Variants in BAHCC1 observed in about 807,000 individuals in gnomAD.
The protein encoded by BAHCC1 is BAH and coiled-coil domain-containing protein 1.
In BAHCC1, 43 loss-of-function variants were observed where a neutral mutation model predicts 88.2. The ratio of observed to expected loss-of-function variants is 0.49; its 90% CI spans 0.38 to 0.63. The LOEUF (loss-of-function observed/expected upper bound fraction) is 0.63, where lower values mean the gene tolerates loss of function less well. Ranked by LOEUF, BAHCC1 falls within the 20% of genes least tolerant of loss-of-function variation. The pLI is 0.00. For missense variants in BAHCC1, 3,023 were observed against 1,654.8 expected (o/e 1.83, Z -14.34); for synonymous variants, 1,510 against 745.5 (o/e 2.03, Z -16.71).
intron 1 of BAHCC1, among the ~76,000 whole-genome samples, chr17:81,398,675 C>T (rs2063771093): frequency 6.6e-6 from 1 of 152,192 alleles, no homozygotes. Context: ...GATTGGGGGG[C>T]GGGGTGATTG....
chr17:81,415,168 C>A (rs891245781), intron 2 of BAHCC1, among the ~76,000 whole-genome samples: 2 of 152,244 alleles, frequency 1.3e-5, no homozygotes, highest in African/African-American at 2.4e-5. Flanking sequence ...GACCCCCACC[C>A]TCTGAGACCC....
At chr17:81,404,654 G>A (rs1555646580) in intron 2 of BAHCC1, among the ~76,000 whole-genome samples, 2 of 152,238 alleles carry the variant, frequency 1.3e-5, no homozygotes, top group African/African-American at 4.8e-5. Flanking sequence ...ACCTTTAAGA[G>A]TGTTTTAACA....
rs782522812 is a variant in BAHCC1, at chr17:81,458,793, C to T, written c.5449-20C>T. On this transcript the variant is annotated intron_variant, in intron 19 of 27. Transcript: ENST00000675386. ...CACCCCGCCTGCACCCCACCCAAGCCTGACTCCTCTGGCCCCCAGGGCAAG... is the reference window on the plus strand; with the variant it reads ...CACCCCGCCTGCACCCCACCCAAGCTTGACTCCTCTGGCCCCCAGGGCAAG... The T allele has an allele frequency of 4.5e-5, 34 of 762,224 alleles. No homozygotes were observed. The highest frequency in any genetic ancestry group is 7.9e-5 in the Non-Finnish European group (32 of 406,882). 47.2% of individuals were successfully genotyped at this position (762,224 alleles called of 1,614,324 possible).
rs782770459 is a variant in BAHCC1 at position 81,445,659 on chromosome 17, C to T, written c.3141C>T (p.Ala1047=). The change falls in exon 10 of 28, where the codon GCC becomes GCT. Residue 1047 remains alanine (A), a synonymous_variant. Coordinates refer to ENST00000675386, the MANE Select transcript of BAHCC1 (RefSeq NM_001377448.1). ...ATGGGGAGGGTCAGCAGTCCACGGC[C>T]GACATCATCACATCCGAACCAGGTG... ...EKNGEGQQST[A]DIITSEPDLP... 24 of 731,646 alleles carry T rather than the reference C, an allele frequency of 3.3e-5. No homozygotes were observed. The highest frequency in any genetic ancestry group is 1.9e-4 in the South Asian group (13 of 68,480). The allele number at this position is 731,646 out of a possible 1,614,324, so 45.3% of individuals were successfully genotyped here.
In BAHCC1 at chr17:81,460,350, C is replaced by A; in HGVS notation, c.5979C>A (p.Ile1993=). 1 of 775,534 alleles carries A rather than the reference C, an allele frequency of 1.3e-6. No homozygotes were observed. The highest frequency in any genetic ancestry group is 2.4e-6 in the Non-Finnish European group (1 of 415,926). The allele number at this position is 775,534 out of a possible 1,614,324, so 48.0% of individuals were successfully genotyped here. ...VEFDDGDTGH[I]AVSNVRLLPP... is the part of the protein sequence containing the mutation. ...TTGACGATGGGGATACAGGCCACAT[C>A]GCCGTCTCCAACGTCAGGCTGCTGC... is the stretch of plus-strand genomic sequence containing the variant. The change falls in exon 24 of 28, where the codon ATC becomes ATA. Residue 1993 remains isoleucine (I), a synonymous_variant. Coordinates refer to ENST00000675386, the MANE Select transcript of BAHCC1 (RefSeq NM_001377448.1).
intron 1 of BAHCC1, among the ~76,000 whole-genome samples, chr17:81,397,626 C>T (rs1370021899): frequency 1.3e-5 from 2 of 152,060 alleles, no homozygotes; most frequent in South Asian, 4.1e-4. Flanking sequence ...CCCCCACGTC[C>T]CTAGTCCAGC....
Position 81,426,842 on chromosome 17 carries a change from T to C in BAHCC1, c.221T>C (p.Met74Thr). 3 of 399,536 alleles carry C rather than the reference T, an allele frequency of 7.5e-6. No individual in the cohort carries two copies. The highest frequency in any genetic ancestry group is 1.3e-5 in the Non-Finnish European group (3 of 226,864). 24.7% of individuals were successfully genotyped at this position (399,536 alleles called of 1,614,324 possible). The change falls in exon 3 of 28, where the codon ATG becomes ACG. Residue 74 changes from methionine (M) to threonine (T), a missense_variant. Transcript: ENST00000675386. ...LMGSSPASSF[M>T]GSFLTSSLGS... is the part of the protein sequence containing the mutation. Reference sequence around the variant, plus strand: ...GGAAGTTCTCCGGCCTCCTCGTTCATGGGCAGTTTCCTCACCAGCAGCCTG... The same window carrying C: ...GGAAGTTCTCCGGCCTCCTCGTTCACGGGCAGTTTCCTCACCAGCAGCCTG...
rs181564718 is a variant in BAHCC1, at chr17:81,434,229, C to T, written c.359-4141C>T. Reference sequence around the variant, plus strand: ...CACAGCCTCCCACGTTCCCCAGGGCCTCCCAGGCTGGCTGCCCACGTGCAC... The same window carrying T: ...CACAGCCTCCCACGTTCCCCAGGGCTTCCCAGGCTGGCTGCCCACGTGCAC... On this transcript the variant is annotated intron_variant, in intron 3 of 27. Coordinates refer to ENST00000675386, the MANE Select transcript of BAHCC1 (RefSeq NM_001377448.1). The surrounding 1 kb of genome is among the most constrained non-coding windows in gnomAD (Gnocchi z 4.9). 6.6e-6 allele frequency among the ~76,000 whole-genome samples: 1 copy of T among 152,308 alleles called. No individual in the cohort carries two copies. Among genetic ancestry groups the T allele is most frequent in the Non-Finnish European group, 1.5e-5 (1 of 68,006 alleles).
rs2064328429 is a variant in BAHCC1, at chr17:81,435,865, A to G, written c.359-2505A>G. ...ATGCCTGTGTGTCCCCGGCCCAGCC[A>G]CAGCAGCCCTGCCTTCTGGCTTCTG... On this transcript the variant is annotated intron_variant, in intron 3 of 27. Coordinates refer to ENST00000675386, the MANE Select transcript of BAHCC1 (RefSeq NM_001377448.1). This position sits in a 1 kb window ranked among gnomAD's most constrained non-coding sequence, Gnocchi z 4.4. Among the ~76,000 whole-genome samples the G allele has an allele frequency of 6.6e-6, 1 of 151,642 alleles. No individual in the cohort carries two copies. Among genetic ancestry groups the G allele is most frequent in the Admixed American group, 6.6e-5 (1 of 15,256 alleles).
Position 81,460,544 on chromosome 17 carries a change from C to T in BAHCC1, c.6040C>T (p.Pro2014Ser), listed in dbSNP as rs2030157778. 1.3e-6 allele frequency: 1 copy of T among 757,544 alleles called. No homozygotes were observed. 46.9% of individuals were successfully genotyped at this position (757,544 alleles called of 1,614,324 possible). A position where few individuals can be genotyped will look rare whatever the true frequency, so the allele number is the denominator to read the frequency against. Residue 2014 changes from proline (P) to serine (S), a missense_variant, in exon 25 of 28, where the codon CCA (proline) becomes TCA (serine). By Grantham distance (74) the Pro-to-Ser change is moderately conservative. Transcript: ENST00000675386. ...DFKIQCTEPS[P>S]ALLVSSSCRR... ...GCTATCCACAGGCACAGAGCCCTCTCCAGCCCTGCTAGTGTCTAGCAGCTG... is the reference window on the plus strand; with the variant it reads ...GCTATCCACAGGCACAGAGCCCTCTTCAGCCCTGCTAGTGTCTAGCAGCTG...
At chr17:81,397,396 A>AG (rs1300815526) in intron 1 of BAHCC1, among the ~76,000 whole-genome samples, 5 of 80,076 alleles carry the variant, frequency 6.2e-5, no homozygotes, top group South Asian at 7.8e-4. Context: ...TATTGGAGAG[A>AG]AAAAAAAAAA....
chr17:81,429,200 C>T (rs906799217), intron 3 of BAHCC1, among the ~76,000 whole-genome samples: 2 of 152,184 alleles, frequency 1.3e-5, no homozygotes, highest in Admixed American at 1.3e-4. Flanking sequence ...GGGTGCAGGG[C>T]GTGGCCTCTG....
intron 2 of BAHCC1, among the ~76,000 whole-genome samples, chr17:81,421,376 G>A (rs1301287225): frequency 3.3e-5 from 5 of 152,328 alleles, no homozygotes; most frequent in Admixed American, 6.5e-5. Context: ...GTCTGCCCAC[G>A]GCTCTGCTGG....
chr17:81,459,701 C>T, intron 23 of BAHCC1, 97 bp downstream of exon 23: 2 of 684,226 alleles, frequency 2.9e-6, no homozygotes, highest in East Asian at 2.8e-5. Context: ...CTGGCGAGGG[C>T]AGAACCAGCT....
chr17:81,460,545 C>A lies in BAHCC1; in HGVS notation c.6041C>A (p.Pro2014Gln). 1.3e-6 allele frequency: 1 copy of A among 758,036 alleles called. No individual in the cohort carries two copies. Among genetic ancestry groups the A allele is most frequent in the Non-Finnish European group, 2.5e-6 (1 of 407,362 alleles). The allele number at this position is 758,036 out of a possible 1,614,324, so 47.0% of individuals were successfully genotyped here. The change falls in exon 25 of 28, where the codon CCA (proline) becomes CAA (glutamine). Residue 2014 changes from proline to glutamine, a missense_variant. Pro to Gln is a moderately conservative substitution (Grantham distance 76). Transcript: ENST00000675386. ...DFKIQCTEPS[P>Q]ALLVSSSCRR... Reference sequence around the variant, plus strand: ...CTATCCACAGGCACAGAGCCCTCTCCAGCCCTGCTAGTGTCTAGCAGCTGC... The same window carrying A: ...CTATCCACAGGCACAGAGCCCTCTCAAGCCCTGCTAGTGTCTAGCAGCTGC...
intron 2 of BAHCC1, among the ~76,000 whole-genome samples, chr17:81,415,904 C>T (rs1008057443): frequency 2.6e-5 from 4 of 152,262 alleles, no homozygotes; most frequent in South Asian, 2.1e-4. Context: ...GTGGGCAGAG[C>T]GCCCCACCCT....
intron 11 of BAHCC1, among the ~76,000 whole-genome samples, chr17:81,450,801 C>T (rs782761801): frequency 6.6e-6 from 1 of 152,186 alleles, no homozygotes; most frequent in Non-Finnish European, 1.5e-5. Flanking sequence ...CCCAGCTACC[C>T]AGGAAGCTGA....
At chr17:81,425,437 T>G (rs1555650265) in intron 2 of BAHCC1, among the ~76,000 whole-genome samples, 2 of 50,326 alleles carry the variant, frequency 4.0e-5, no homozygotes. Flanking sequence ...TGGTTGGTGG[T>G]GATGTGGTTG....
chr17:81,462,230 G>A (rs1376702179), intron 26 of BAHCC1, among the ~76,000 whole-genome samples, 184 bp downstream of exon 26: 2 of 152,270 alleles, frequency 1.3e-5, no homozygotes, highest in Non-Finnish European at 2.9e-5. Context: ...CGCTTCCGCT[G>A]GCCCCTCGCT....
Sources: allele counts gnomAD v4.1 joint callset (sites outside exome capture counted in the v4.1 genomes callset), GRCh38; gene constraint gnomAD v4.1.1; non-coding constraint Gnocchi (gnomAD v3.1); transcripts MANE v1.5; gene names NCBI Gene and HGNC (gene_info 2026-07-23, HGNC 2026-07-21).